DLG2: variants seen among roughly 807,000 people sequenced by gnomAD.
DLG2 encodes disks large homolog 2.
In DLG2, 45 loss-of-function variants were observed where a neutral mutation model predicts 132.5. That is an observed-to-expected ratio of 0.34 (90% CI 0.27 to 0.44). The LOEUF (loss-of-function observed/expected upper bound fraction) is 0.44. DLG2 is among the 20% of genes least tolerant of loss of function. The probability of loss-of-function intolerance (pLI) is 1.00; values close to 1 mark genes in which losing one functional copy is unlikely to be tolerated. For synonymous variants in DLG2, 424 were observed against 419.6 expected, an observed-to-expected ratio of 1.01 and a Z score of -0.13; for missense variants, 1,045 against 1,196.9, an observed-to-expected ratio of 0.87 and a Z score of 1.87.
chr11:83,481,514 C>G (rs1451630713), intron 22 of DLG2, among the ~76,000 whole-genome samples: 1 of 151,970 alleles, frequency 6.6e-6, no homozygotes. Context: ...TAAAAAAGTG[C>G]TTTGATATCA....
rs1255677841 is a variant in DLG2 at position 83,456,767 on chromosome 11, C to G, written c.*3051G>C. ...GAGGTTGGAGAGTTCTTTCCTGGCT[C>G]GGAGTCCTGAAGGGCCGGCAGTAGG... On this transcript the variant is annotated 3_prime_UTR_variant, in exon 28 of 28. Coordinates refer to ENST00000376104, the MANE Select transcript of DLG2 (RefSeq NM_001142699.3). The G allele has an allele frequency of 6.6e-6, 1 of 152,112 alleles. No homozygotes were observed. Among genetic ancestry groups the G allele is most frequent in the African/African-American group, 2.4e-5 (1 of 41,412 alleles). 9.4% of individuals were successfully genotyped at this position (152,112 alleles called of 1,614,324 possible).
At chr11:83,904,894 A>G (rs984400357) in intron 15 of DLG2, among the ~76,000 whole-genome samples, 2 of 152,108 alleles carry the variant, frequency 1.3e-5, no homozygotes, top group Non-Finnish European at 2.9e-5. Flanking sequence ...CTATTATTAT[A>G]AGTAATAAAG....
chr11:83,530,173 GA>G (rs897935456), intron 21 of DLG2, among the ~76,000 whole-genome samples: 4 of 151,138 alleles, frequency 2.6e-5, no homozygotes, highest in African/African-American at 9.7e-5. Context: ...AGGAATCATG[GA>G]AAAAAAACCT....
chr11:85,411,346 G>C (rs759857164), intron 3 of DLG2, among the ~76,000 whole-genome samples: 2 of 151,800 alleles, frequency 1.3e-5, no homozygotes, highest in Admixed American at 6.6e-5. Context: ...TAGACTCCAA[G>C]ACACTTACAA....
chr11:84,980,423 G>C (rs952797648), intron 6 of DLG2, among the ~76,000 whole-genome samples: 1 of 151,908 alleles, frequency 6.6e-6, no homozygotes, highest in African/African-American at 2.4e-5. Context: ...TAAAACATTG[G>C]AACATTCCTC....
intron 7 of DLG2, among the ~76,000 whole-genome samples, chr11:84,355,949 T>C (rs2098608911): frequency 3.9e-5 from 6 of 152,096 alleles, no homozygotes. Context: ...TGTTGAATTA[T>C]CACTAAGTGA....
chr11:84,784,445 G>C (rs1479355965), intron 6 of DLG2, among the ~76,000 whole-genome samples: 2 of 151,574 alleles, frequency 1.3e-5, no homozygotes, highest in African/African-American at 4.8e-5. Flanking sequence ...CTCATTCTTT[G>C]TATTAAGGAA....
chr11:84,286,530 C>G (rs552092402), intron 7 of DLG2, among the ~76,000 whole-genome samples: 1 of 152,234 alleles, frequency 6.6e-6, no homozygotes, highest in African/African-American at 2.4e-5. Flanking sequence ...TTATCTTTTA[C>G]TTTCATGCTG....
At chr11:84,057,260 G>A (rs1364626882) in intron 11 of DLG2, among the ~76,000 whole-genome samples, 1 of 152,140 alleles carries the variant, frequency 6.6e-6, no homozygotes, top group Non-Finnish European at 1.5e-5. Flanking sequence ...AAGTGCTCTG[G>A]ATGACCTCCA....
At chr11:85,137,196 T>C (rs187220650) in intron 5 of DLG2, among the ~76,000 whole-genome samples, 193 of 152,222 alleles carry the variant, frequency 1.3e-3, no homozygotes, top group Middle Eastern at 0.01. Context: ...TGAAACTAGG[T>C]GCTTGCTATT....
At chr11:85,404,978 G>C (rs1486440579) in intron 3 of DLG2, among the ~76,000 whole-genome samples, 1 of 151,940 alleles carries the variant, frequency 6.6e-6, no homozygotes, top group African/African-American at 2.4e-5. Context: ...ATCCCTTGAA[G>C]TTCCACAGAT....
intron 6 of DLG2, among the ~76,000 whole-genome samples, chr11:85,100,909 AT>A (rs879940259): frequency 1.3e-5 from 2 of 152,190 alleles, no homozygotes; most frequent in Non-Finnish European, 2.9e-5. Flanking sequence ...ATAGTTTTGT[AT>A]TTTGAATGAT....
intron 3 of DLG2, among the ~76,000 whole-genome samples, chr11:85,298,980 CAAAG>C (rs1363980192): frequency 1.3e-5 from 2 of 151,944 alleles, no homozygotes; most frequent in Non-Finnish European, 2.9e-5. Flanking sequence ...TTCTAAAAAA[CAAAG>C]AAAGAAAATT....
chr11:84,015,224 T>C (rs1200995852), intron 11 of DLG2, among the ~76,000 whole-genome samples: 1 of 152,162 alleles, frequency 6.6e-6, no homozygotes. Flanking sequence ...TCATAATTAT[T>C]AGTTGATCAC....
At chr11:84,556,693 G>T (rs2099412627) in intron 6 of DLG2, among the ~76,000 whole-genome samples, 1 of 152,124 alleles carries the variant, frequency 6.6e-6, no homozygotes. Flanking sequence ...TACACATGTA[G>T]TACTCCCACA....
intron 7 of DLG2, among the ~76,000 whole-genome samples, chr11:84,271,949 C>CAAAAAAAAAAA (rs71036417): frequency 1.5e-4 from 12 of 77,762 alleles, no homozygotes; most frequent in Admixed American, 3.0e-4. Context: ...TTGATAATAA[C>CAAAAAAAAAAA]AAAAAAAAAA....
chr11:84,554,614 C>T (rs554421704), intron 6 of DLG2, among the ~76,000 whole-genome samples: 16 of 152,062 alleles, frequency 1.1e-4, no homozygotes, highest in Admixed American at 1.3e-4. Flanking sequence ...GGCATGGTGG[C>T]GCATGCCTGT....
intron 7 of DLG2, among the ~76,000 whole-genome samples, chr11:84,274,155 G>A (rs1598858480): frequency 6.6e-6 from 1 of 152,058 alleles, no homozygotes; most frequent in Non-Finnish European, 1.5e-5. Context: ...CAGAATTTAG[G>A]GACATATTCT....
chr11:84,133,543 G>C (rs1388426929), intron 9 of DLG2, among the ~76,000 whole-genome samples: 2 of 152,020 alleles, frequency 1.3e-5, no homozygotes, highest in African/African-American at 2.4e-5. Context: ...AGCTAAACTG[G>C]AAGCAGTTCA....
Sources: allele counts gnomAD v4.1 joint callset (sites outside exome capture counted in the v4.1 genomes callset), GRCh38; gene constraint gnomAD v4.1.1; transcripts MANE v1.5; gene names NCBI Gene and HGNC (gene_info 2026-07-23, HGNC 2026-07-21).